Variants in VPS13C observed in about 807,000 individuals in gnomAD.
The protein encoded by VPS13C is intermembrane lipid transfer protein VPS13C.
Under a neutral mutation model 456.8 loss-of-function variants are expected in VPS13C, and 358 were observed. That is an observed-to-expected ratio of 0.78 (90% confidence interval 0.72 to 0.86). The LOEUF (loss-of-function observed/expected upper bound fraction) is 0.86. Among genes scored for constraint, VPS13C ranks in the 40% least tolerant of loss-of-function variants. The pLI, the probability that VPS13C is intolerant of heterozygous loss-of-function variation, is 0.00. For synonymous variants in VPS13C, 1,578 were observed against 1,486.7 expected, an observed-to-expected ratio of 1.06 and a Z score of -1.41; for missense variants, 4,818 against 4,385.4, an observed-to-expected ratio of 1.10 and a Z score of -2.79.
At chr15:61,882,932 A>C (rs1031886688) in intron 68 of VPS13C, among the ~76,000 whole-genome samples, 196 bp from the exon 69 acceptor site, 1 of 152,178 alleles carries the variant, frequency 6.6e-6, no homozygotes, top group Non-Finnish European at 1.5e-5. Context: ...GAAAAAAAAG[A>C]TCGTGAAACT....
At chr15:61,908,464 G>A (rs1044086331) in intron 65 of VPS13C, among the ~76,000 whole-genome samples, 6 of 151,668 alleles carry the variant, frequency 4.0e-5, no homozygotes, top group Admixed American at 3.9e-4. Flanking sequence ...TGACAGCAAA[G>A]GCAAGAACAA....
At chr15:61,950,252 C>T (rs1307111637) in intron 41 of VPS13C, 106 bp downstream of exon 41, 3 of 771,178 alleles carry the variant, frequency 3.9e-6, no homozygotes, top group Non-Finnish European at 6.6e-6. Context: ...TTATTATTGC[C>T]ACTGTTATTC....
At chr15:62,015,549 G>A (rs1460403448) in intron 9 of VPS13C, among the ~76,000 whole-genome samples, 1 of 146,804 alleles carries the variant, frequency 6.8e-6, no homozygotes, top group African/African-American at 2.6e-5. Context: ...ATGATAGACT[G>A]GATTAAGAAA....
At chr15:62,031,407 T>C (rs1016616910) in intron 5 of VPS13C, among the ~76,000 whole-genome samples, 1 of 151,980 alleles carries the variant, frequency 6.6e-6, no homozygotes, top group African/African-American at 2.4e-5. Context: ...AAATGTGAAA[T>C]ATATAAAGGT....
chr15:62,028,229 G>A (rs2047701996), intron 6 of VPS13C, 129 bp downstream of exon 6: 4 of 900,248 alleles, frequency 4.4e-6, no homozygotes, highest in South Asian at 3.2e-5. Context: ...ATGGTAGAGG[G>A]GGAAAACAAA....
chr15:61,884,848 G>T (rs1034810931), intron 67 of VPS13C, among the ~76,000 whole-genome samples: 1 of 152,012 alleles, frequency 6.6e-6, no homozygotes, highest in Non-Finnish European at 1.5e-5. Context: ...TGGTCAATGA[G>T]AATTTATTAT....
intron 41 of VPS13C, among the ~76,000 whole-genome samples, chr15:61,949,817 A>G (rs1480480098): frequency 6.6e-6 from 1 of 152,200 alleles, no homozygotes; most frequent in African/African-American, 2.4e-5. Context: ...TGCAACCACA[A>G]TTTTAACTCA....
chr15:61,941,898 G>A lies in VPS13C; in HGVS notation c.5318C>T (p.Ser1773Leu). 2 of 1,614,040 alleles carry A rather than the reference G, an allele frequency of 1.2e-6. No individual in the cohort carries two copies. The highest frequency in any genetic ancestry group is 1.7e-6 in the Non-Finnish European group (2 of 1,179,934). ...CAGATCTGCTATAACAGCATTAGGT[G>A]ATACTGAAGACTGAGGAATAATAAT... ...PVIIIPQSSV[S>L]PNAVIADLGL... Residue 1773 changes from serine (S) to leucine (L), a missense_variant, in exon 46 of 85, where the codon TCA becomes TTA. Around this residue, in one of 3 missense-constraint regions of VPS13C, gnomAD observed 4,552 missense variants for 4,130.6 expected, o/e 1.10. Transcript: ENST00000644861.
intron 47 of VPS13C, 33 bp from the exon 48 acceptor site, chr15:61,936,783 TAA>T (rs1224964914): frequency 6.4e-7 from 1 of 1,564,208 alleles, no homozygotes; most frequent in Non-Finnish European, 8.6e-7. Flanking sequence ...TAACTCTAAG[TAA>T]TAAAAAAAAT....
intron 29 of VPS13C, among the ~76,000 whole-genome samples, chr15:61,967,021 AT>A (rs2045396555): frequency 6.6e-6 from 1 of 151,900 alleles, no homozygotes; most frequent in East Asian, 1.9e-4. Context: ...TCTGAACCCA[AT>A]TTAATATGAC....
At chr15:62,056,095 T>C (rs2048787188) in intron 1 of VPS13C, among the ~76,000 whole-genome samples, 1 of 152,182 alleles carries the variant, frequency 6.6e-6, no homozygotes, top group Non-Finnish European at 1.5e-5. Context: ...CCAGTTAAGA[T>C]GTATCAAAGT....
In VPS13C at chr15:62,060,254, TG is replaced by T; in HGVS notation, c.100+20del. The T allele has an allele frequency of 6.5e-7, 1 of 1,528,334 alleles. No individual in the cohort carries two copies. Among genetic ancestry groups the T allele is most frequent in the Non-Finnish European group, 9.0e-7 (1 of 1,112,156 alleles). 94.7% of individuals were successfully genotyped at this position (1,528,334 alleles called of 1,614,324 possible). A position where few individuals can be genotyped will look rare whatever the true frequency, so the allele number is the denominator to read the frequency against. On this transcript the variant is annotated intron_variant, in intron 1 of 84. Transcript: ENST00000644861. ...TGGGCCCTCAGCGCCCGCAGCCCAC[TG>T]GCCGCGCCCTCTCGCTTACCGCCCC... is the stretch of plus-strand genomic sequence containing the variant.
Position 61,950,363 on chromosome 15 carries a change from G to C in VPS13C, c.4591C>G (p.Leu1531Val). 6.2e-7 allele frequency: 1 copy of C among 1,610,876 alleles called. No individual in the cohort carries two copies. Among genetic ancestry groups the C allele is most frequent in the Non-Finnish European group, 8.5e-7 (1 of 1,177,736 alleles). ...GCAAATTATAAAAGTTTTACCTTCA[G>C]TCTCTGTTTGGTACTGTCATGAATA... ...KTIHDSTKQR[L>V]KVSFASLDLV... Residue 1531 changes from leucine (L) to valine (V), a missense_variant, in exon 41 of 85, where the codon CTG becomes GTG. Physicochemically the swap from Leu to Val is conservative, Grantham distance 32. This residue lies in a region of VPS13C where 4,552 missense variants were observed against 4,130.6 expected (regional missense o/e 1.10). Transcript: ENST00000644861.
At chr15:61,881,910 A>G (rs1193599820) in intron 69 of VPS13C, 82 bp from the exon 70 acceptor site, 41 of 1,217,948 alleles carry the variant, frequency 3.4e-5, no homozygotes, top group Non-Finnish European at 4.4e-5. Context: ...AGAAGAGGCC[A>G]CCACTTTCAT....
intron 45 of VPS13C, 40 bp from the exon 46 acceptor site, chr15:61,942,107 T>C: frequency 2.0e-6 from 3 of 1,502,938 alleles, no homozygotes; most frequent in Non-Finnish European, 2.7e-6. Flanking sequence ...AAAAGGCATT[T>C]ATTTTTAAAA....
rs181446800 is a variant in VPS13C, at chr15:61,924,337, G to T, written c.6609+1119C>A. Among the ~76,000 whole-genome samples the T allele has an allele frequency of 9.4e-4, 143 of 152,254 alleles. 1 individual carries two copies. The highest frequency in any genetic ancestry group is 3.4e-3 in the African/African-American group (140 of 41,552). Reference sequence around the variant, plus strand: ...CCTGATGTCCTGGTCTGAATTAAAGGCCCCATGCCTGTGCTCCCAACTGCA... The same window carrying T: ...CCTGATGTCCTGGTCTGAATTAAAGTCCCCATGCCTGTGCTCCCAACTGCA... On this transcript the variant is annotated intron_variant, in intron 53 of 84. Coordinates refer to ENST00000644861, the MANE Select transcript of VPS13C (RefSeq NM_020821.3).
intron 82 of VPS13C, among the ~76,000 whole-genome samples, chr15:61,860,069 CAT>C (rs1894138415): frequency 6.6e-6 from 1 of 152,058 alleles, no homozygotes; most frequent in African/African-American, 2.4e-5. Context: ...CAATCACTAA[CAT>C]GTCAATAATA....
At chr15:61,962,938 T>C in intron 32 of VPS13C, 86 bp from the exon 33 acceptor site, 1 of 995,022 alleles carries the variant, frequency 1.0e-6, no homozygotes, top group Non-Finnish European at 1.4e-6. Flanking sequence ...TATTTTGGGG[T>C]GACTTTTTTA....
intron 66 of VPS13C, among the ~76,000 whole-genome samples, chr15:61,901,977 C>T (rs537479416): frequency 7.2e-5 from 11 of 151,862 alleles, no homozygotes; most frequent in African/African-American, 1.9e-4. Context: ...ATGGATGAAA[C>T]TGGAAATCAT....
Sources: gnomAD v4.1 joint callset for allele counts (sites outside exome capture counted in the v4.1 genomes callset) on GRCh38, gnomAD v4.1.1 for gene constraint, gnomAD v4.1.1 regional missense constraint, MANE v1.5 for transcripts, NCBI Gene and HGNC (gene_info 2026-07-23, HGNC 2026-07-21) for gene names.